Variants in ADAMTS3 observed in about 807,000 individuals in gnomAD.
ADAMTS3 encodes ADAM metallopeptidase with thrombospondin type 1 motif 3.
In ADAMTS3, 73 loss-of-function variants were observed where a neutral mutation model predicts 129.0. The observed-to-expected ratio is 0.57, with a 90% CI of 0.47 to 0.69. The LOEUF (loss-of-function observed/expected upper bound fraction) is 0.69, where lower values mean the gene tolerates loss of function less well. Among genes scored for constraint, ADAMTS3 ranks in the 30% least tolerant of loss-of-function variants. ADAMTS3 has a pLI of 0.00. For missense variants in ADAMTS3, 1,457 were observed against 1,514.5 expected (o/e 0.96, Z 0.63); for synonymous variants, 477 against 510.8 (o/e 0.93, Z 0.89).
In ADAMTS3 at chr4:72,548,699, G is replaced by A; in HGVS notation, c.283C>T (p.Leu95=). The A allele has an allele frequency of 6.2e-7, 1 of 1,614,002 alleles. No homozygotes were observed. Among genetic ancestry groups the A allele is most frequent in the Non-Finnish European group, 8.5e-7 (1 of 1,179,922 alleles). ...TAFGKDFHLR[L]KPNTQLVAPG... Reference sequence around the variant, plus strand: ...GCTACTAGTTGAGTGTTGGGCTTTAGTCGCAGATGAAAATCTTTTCCAAAT... The same window carrying A: ...GCTACTAGTTGAGTGTTGGGCTTTAATCGCAGATGAAAATCTTTTCCAAAT... Residue 95 remains leucine, a synonymous_variant, in exon 3 of 22, where the codon CTA becomes TTA. Coordinates refer to ENST00000286657, the MANE Select transcript of ADAMTS3 (RefSeq NM_014243.3).
intron 3 of ADAMTS3, among the ~76,000 whole-genome samples, chr4:72,452,586 C>T (rs1718435006): frequency 6.6e-6 from 1 of 151,758 alleles, no homozygotes; most frequent in African/African-American, 2.4e-5. Flanking sequence ...CTTCAACAAC[C>T]AGTCTCCATC....
At chr4:72,490,369 C>T (rs1578729190) in intron 3 of ADAMTS3, among the ~76,000 whole-genome samples, 2 of 151,956 alleles carry the variant, frequency 1.3e-5, no homozygotes, top group South Asian at 4.1e-4. Flanking sequence ...ATTCATTTGT[C>T]TATTTTTGCT....
At chr4:72,387,414 T>G (rs1468137138) in intron 4 of ADAMTS3, among the ~76,000 whole-genome samples, 1 of 152,202 alleles carries the variant, frequency 6.6e-6, no homozygotes, top group Non-Finnish European at 1.5e-5. Flanking sequence ...AGCTGTCTCT[T>G]ACCTTTATCT....
At chr4:72,326,973 A>G (rs1719715497) in intron 5 of ADAMTS3, among the ~76,000 whole-genome samples, 1 of 152,188 alleles carries the variant, frequency 6.6e-6, no homozygotes, top group African/African-American at 2.4e-5. Context: ...ACCAGTCAGT[A>G]TGTCAATGTT....
chr4:72,562,074 G>A (rs187121788), intron 2 of ADAMTS3, among the ~76,000 whole-genome samples: 5 of 152,154 alleles, frequency 3.3e-5, no homozygotes, highest in African/African-American at 7.2e-5. Flanking sequence ...GAGTCTTCTC[G>A]CAGTACTAAT....
intron 4 of ADAMTS3, among the ~76,000 whole-genome samples, chr4:72,374,944 A>G (rs1268600421): frequency 6.6e-6 from 1 of 152,180 alleles, no homozygotes; most frequent in Non-Finnish European, 1.5e-5. Flanking sequence ...CCTAAGCTGT[A>G]TTGCTTGTAT....
chr4:72,382,225 T>A (rs1272864606), intron 4 of ADAMTS3, among the ~76,000 whole-genome samples: 1 of 149,818 alleles, frequency 6.7e-6, no homozygotes, highest in East Asian at 1.9e-4. Context: ...AAAATCAAGA[T>A]GTTGAATATT....
At position 72,548,866 on chromosome 4, in the gene ADAMTS3, T is replaced by C; in HGVS notation, c.116A>G (p.Tyr39Cys). Residue 39 changes from tyrosine to cysteine, a missense_variant, in exon 3 of 22, where the codon TAT (tyrosine) becomes TGT (cysteine). Coordinates refer to ENST00000286657, the MANE Select transcript of ADAMTS3 (RefSeq NM_014243.3). ...TGGAGTCACCAGCTCATACTCTCTA[T>C]ATCTCTTTATTGGTAAATCTGTGGG... ...MVQIDLPIKR[Y>C]REYELVTPVS... The C allele has an allele frequency of 1.9e-6, 3 of 1,609,346 alleles. No individual in the cohort carries two copies. The highest frequency in any genetic ancestry group is 1.3e-5 in the African/African-American group (1 of 74,946).
chr4:72,454,283 A>C (rs949099921), intron 3 of ADAMTS3, among the ~76,000 whole-genome samples: 2 of 151,722 alleles, frequency 1.3e-5, no homozygotes, highest in Non-Finnish European at 1.5e-5. Flanking sequence ...CAGATAAGTT[A>C]GTTGTAAAAT....
chr4:72,358,896 A>AAG (rs1320279941), intron 4 of ADAMTS3, among the ~76,000 whole-genome samples: 2 of 151,972 alleles, frequency 1.3e-5, no homozygotes, highest in Non-Finnish European at 2.9e-5. Context: ...TGCATTACTA[A>AAG]AGCATAGGTG....
At chr4:72,518,444 G>T (rs1482963433) in intron 3 of ADAMTS3, among the ~76,000 whole-genome samples, 1 of 152,142 alleles carries the variant, frequency 6.6e-6, no homozygotes, top group Non-Finnish European at 1.5e-5. Context: ...GGGTGTTAAA[G>T]TCTCCCATTT....
chr4:72,535,189 T>C (rs1721155431), intron 3 of ADAMTS3, among the ~76,000 whole-genome samples: 1 of 152,150 alleles, frequency 6.6e-6, no homozygotes, highest in Admixed American at 6.5e-5. Flanking sequence ...TGTAAAATAT[T>C]GGTACACCCT....
chr4:72,314,795 T>TTA (rs1719346165), intron 11 of ADAMTS3, among the ~76,000 whole-genome samples: 1 of 152,164 alleles, frequency 6.6e-6, no homozygotes, highest in South Asian at 2.1e-4. Flanking sequence ...AAGACAGGTT[T>TTA]TATTATTATT....
intron 3 of ADAMTS3, among the ~76,000 whole-genome samples, chr4:72,424,709 A>C (rs1010462260): frequency 2.6e-5 from 4 of 152,020 alleles, no homozygotes; most frequent in Admixed American, 6.6e-5. Flanking sequence ...AAAAAAAATC[A>C]CAGACTTCAG....
chr4:72,287,913 T>C (rs1718552955), intron 21 of ADAMTS3, among the ~76,000 whole-genome samples: 2 of 152,212 alleles, frequency 1.3e-5, no homozygotes, highest in African/African-American at 4.8e-5. Flanking sequence ...TCACCCAGGC[T>C]GGAATGCAGT....
intron 3 of ADAMTS3, among the ~76,000 whole-genome samples, chr4:72,444,791 C>T (rs1293763830): frequency 6.6e-6 from 1 of 151,674 alleles, no homozygotes; most frequent in Admixed American, 6.6e-5. Flanking sequence ...AAAGTGGAAA[C>T]AAGCCATTGT....
rs763572033 is a variant in ADAMTS3, at chr4:72,548,666, C to T, written c.316G>A (p.Ala106Thr). The change falls in exon 3 of 22, where the codon GCT becomes ACT. Residue 106 changes from alanine to threonine, a missense_variant. Coordinates refer to ENST00000286657, the MANE Select transcript of ADAMTS3 (RefSeq NM_014243.3). The stretch of plus-strand genomic sequence containing the variant: ...GATGTCTCATGCCACTCCACAACAG[C>T]CCCAGGAGCTACTAGTTGAGTGTTG... Reference protein sequence around the residue: ...KPNTQLVAPGAVVEWHETSLV... With the variant: ...KPNTQLVAPGTVVEWHETSLV... 1.9e-6 allele frequency: 3 copies of T among 1,613,878 alleles called. No individual in the cohort carries two copies. In the African/African-American group the frequency reaches 4.0e-5, roughly 22 times the overall value.
chr4:72,298,355 T>C lies in ADAMTS3; in HGVS notation c.2512A>G (p.Asn838Asp). 2 of 1,613,234 alleles carry C rather than the reference T, an allele frequency of 1.2e-6. No individual in the cohort carries two copies. The highest frequency in any genetic ancestry group is 1.1e-5 in the South Asian group (1 of 91,044). The change falls in exon 18 of 22, where the codon AAT becomes GAT. Residue 838 changes from asparagine (N) to aspartate (D), a missense_variant. Physicochemically the swap from Asn to Asp is conservative, Grantham distance 23 (BLOSUM62 1). Transcript: ENST00000286657. ...GTATCTAATTCTTCCTGGATGACAT[T>C]GTTGCTGTTGATTGTAGGTACAGAG... ...EDSVPTINSN[N>D]VIQEELDTFE...
At chr4:72,431,804 G>A (rs911856692) in intron 3 of ADAMTS3, among the ~76,000 whole-genome samples, 2 of 151,926 alleles carry the variant, frequency 1.3e-5, no homozygotes, top group Non-Finnish European at 2.9e-5. Flanking sequence ...GAAATGGGAA[G>A]AGGCGATACA....
Sources: gnomAD v4.1 joint callset for allele counts (sites outside exome capture counted in the v4.1 genomes callset) on GRCh38, gnomAD v4.1.1 for gene constraint, MANE v1.5 for transcripts, NCBI Gene and HGNC (gene_info 2026-07-23, HGNC 2026-07-21) for gene names.